The following MAPK10 variants were observed in gnomAD, a reference collection of about 807,000 sequenced individuals.
MAPK10 encodes the protein mitogen-activated protein kinase 10.
In MAPK10, 25 loss-of-function variants were observed where a neutral mutation model predicts 59.3. The observed-to-expected ratio is 0.42, with a 90% confidence interval of 0.31 to 0.59. The LOEUF (loss-of-function observed/expected upper bound fraction) is 0.59. Among genes scored for constraint, MAPK10 ranks in the 20% least tolerant of loss-of-function variants. MAPK10 has a pLI of 0.15. For missense variants in MAPK10, 351 were observed against 568.9 expected, an observed-to-expected ratio of 0.62 and a Z score of 3.90; for synonymous variants, 190 against 200.5, an observed-to-expected ratio of 0.95 and a Z score of 0.44.
chr4:86,360,813 C>T (rs561367799), upstream of MAPK10, among the ~76,000 whole-genome samples: 5 of 152,036 alleles, frequency 3.3e-5, no homozygotes, highest in Admixed American at 1.3e-4. Flanking sequence ...AACAGTTTTA[C>T]TATCCATAAA....
intron 1 of MAPK10, among the ~76,000 whole-genome samples, chr4:86,523,146 CTTTATG>C (rs1406188891): frequency 6.6e-6 from 1 of 151,852 alleles, no homozygotes; most frequent in Non-Finnish European, 1.5e-5. Context: ...TTATTATTAC[CTTTATG>C]TTTATTAATA....
rs1250188707 is a variant in MAPK10, at chr4:86,313,412, T to C, written c.-7+41118A>G. Among the ~76,000 whole-genome samples the C allele has an allele frequency of 2.6e-5, 4 of 152,228 alleles. No individual in the cohort carries two copies. The East Asian group carries it at 7.7e-4, about 29-fold the overall frequency. ...TTGAACCTTATTAAAATTGAAAATC[T>C]TTTGTGGTCAAAAGCCTCTGTTAAG... is the stretch of plus-strand genomic sequence containing the variant. On this transcript the variant is annotated intron_variant, in intron 2 of 13. Coordinates refer to ENST00000641462, the MANE Select transcript of MAPK10 (RefSeq NM_138982.4).
intron 2 of MAPK10, among the ~76,000 whole-genome samples, chr4:86,305,605 G>A (rs2095553278): frequency 6.6e-6 from 1 of 152,092 alleles, no homozygotes; most frequent in African/African-American, 2.4e-5. Context: ...AATCACCTGA[G>A]GTCAGGAGTT....
At chr4:86,391,917 C>T (rs971154363) in intron 1 of MAPK10, among the ~76,000 whole-genome samples, 1 of 152,176 alleles carries the variant, frequency 6.6e-6, no homozygotes, top group Non-Finnish European at 1.5e-5. Flanking sequence ...TTGAAGCCCA[C>T]CACAGGTTTA....
intron 11 of MAPK10, among the ~76,000 whole-genome samples, chr4:86,033,227 A>G (rs749656726): frequency 1.3e-5 from 2 of 152,254 alleles, no homozygotes; most frequent in Non-Finnish European, 2.9e-5. Context: ...CTGGTTTTGT[A>G]AAGACGCTTT....
chr4:86,068,017 A>T, intron 9 of MAPK10, 62 bp from the exon 10 acceptor site: 1 of 1,115,738 alleles, frequency 9.0e-7, no homozygotes, highest in Non-Finnish European at 1.3e-6. Flanking sequence ...AACAATTGGG[A>T]GACTAACTCT....
Position 86,485,099 on chromosome 4 carries a change from TG to T in MAPK10, c.-263+108810del, listed in dbSNP as rs1753885511. Among the ~76,000 whole-genome samples the T allele has an allele frequency of 2.0e-5, 3 of 152,204 alleles. No homozygotes were observed. The South Asian group carries it at 6.2e-4, about 32-fold the overall frequency. ...AGGAAGAGAGCTCAAGAGGACTTTC[TG>T]GTTTTTGGTTTGGGTCACCATAATT... is the stretch of plus-strand genomic sequence containing the variant. On this transcript the variant is annotated intron_variant, in intron 1 of 4. Transcript: ENST00000502302.
intron 1 of MAPK10, among the ~76,000 whole-genome samples, chr4:86,537,827 A>C (rs1758363996): frequency 6.6e-6 from 1 of 152,082 alleles, no homozygotes; most frequent in Admixed American, 6.5e-5. Context: ...TATTAATTTT[A>C]ATATGGTTGA....
chr4:86,038,579 T>C (rs747160517), intron 11 of MAPK10, among the ~76,000 whole-genome samples: 18 of 152,254 alleles, frequency 1.2e-4, no homozygotes, highest in South Asian at 2.1e-4. Context: ...ATTTGATGAC[T>C]AGGACTTGTT....
At chr4:86,059,921 C>A (rs989523222) in intron 11 of MAPK10, among the ~76,000 whole-genome samples, 15 of 152,250 alleles carry the variant, frequency 9.9e-5, no homozygotes, top group African/African-American at 3.6e-4. Context: ...TTCTCAAGTA[C>A]CCCAGGTTCA....
intron 9 of MAPK10, among the ~76,000 whole-genome samples, chr4:86,090,091 G>T (rs1005094709): frequency 2.0e-5 from 3 of 152,036 alleles, no homozygotes; most frequent in East Asian, 1.9e-4. Flanking sequence ...AGGGCAGAGC[G>T]CACAGAGGGA....
intron 1 of MAPK10, among the ~76,000 whole-genome samples, chr4:86,459,556 T>C (rs1321610695): frequency 6.6e-6 from 1 of 152,080 alleles, no homozygotes; most frequent in Non-Finnish European, 1.5e-5. Flanking sequence ...TATATATAGA[T>C]AGATAGATGA....
chr4:86,358,385 C>T (rs1292341165), intron 1 of MAPK10: 2 of 985,352 alleles, frequency 2.0e-6, no homozygotes, highest in Non-Finnish European at 2.4e-6. Flanking sequence ...ACTCGTTTTC[C>T]TTCCACCTGA....
At chr4:86,098,503 T>A in intron 9 of MAPK10, 21 bp downstream of exon 9, 1 of 1,610,918 alleles carries the variant, frequency 6.2e-7, no homozygotes, top group Non-Finnish European at 8.5e-7. Flanking sequence ...GGTAAAGCTG[T>A]AGCAAAAGGT....
intron 3 of MAPK10, among the ~76,000 whole-genome samples, chr4:86,178,475 T>C (rs1391220004): frequency 6.6e-6 from 1 of 152,134 alleles, no homozygotes; most frequent in African/African-American, 2.4e-5. Context: ...AACCACATCA[T>C]GCTGTATCTC....
chr4:86,331,291 G>A (rs965115886), intron 2 of MAPK10, among the ~76,000 whole-genome samples: 1 of 152,128 alleles, frequency 6.6e-6, no homozygotes, highest in African/African-American at 2.4e-5. Flanking sequence ...AGAAAATTCT[G>A]TACAAAGTAA....
At chr4:86,130,606 GCATA>G (rs2060829401) in intron 4 of MAPK10, among the ~76,000 whole-genome samples, 1 of 149,738 alleles carries the variant, frequency 6.7e-6, no homozygotes, top group Non-Finnish European at 1.5e-5. Flanking sequence ...AATACTTTGT[GCATA>G]GCATCAGCAG....
intron 1 of MAPK10, among the ~76,000 whole-genome samples, chr4:86,359,288 C>CTCTCTCTCTGTGTG (rs796310826): frequency 1.1e-4 from 10 of 94,632 alleles, no homozygotes; most frequent in East Asian, 6.0e-4. Flanking sequence ...CTCTCTCTCT[C>CTCTCTCTCTGTGTG]TGTGTGTGTG....
At chr4:86,384,409 G>C (rs1467399808) in intron 1 of MAPK10, among the ~76,000 whole-genome samples, 1 of 152,192 alleles carries the variant, frequency 6.6e-6, no homozygotes, top group Non-Finnish European at 1.5e-5. Flanking sequence ...CGATGGATGG[G>C]AGAATGGTAG....
Sources: gnomAD v4.1 joint callset for allele counts (sites outside exome capture counted in the v4.1 genomes callset) on GRCh38, gnomAD v4.1.1 for gene constraint, MANE v1.5 for transcripts, NCBI Gene and HGNC (gene_info 2026-07-23, HGNC 2026-07-21) for gene names.